UMPS: variants seen among roughly 807,000 people sequenced by gnomAD.
The protein encoded by UMPS is uridine monophosphate synthetase, also known as uridine 5'-monophosphate synthase.
A neutral mutation model predicts 38.9 loss-of-function variants in UMPS; 21 were observed. That is an observed-to-expected ratio of 0.54 (90% CI 0.38 to 0.78). The LOEUF (loss-of-function observed/expected upper bound fraction) is 0.78. Among genes scored for constraint, UMPS ranks in the 30% least tolerant of loss-of-function variants. UMPS has a pLI of 0.00. For missense variants in UMPS, 533 were observed against 591.6 expected (o/e 0.90, Z 1.03); for synonymous variants, 208 against 219.3 (o/e 0.95, Z 0.45).
rs1579142883 is a variant in UMPS at position 124,747,107 on chromosome 3, C to T, written c.*3023C>T. The T allele has an allele frequency of 4.4e-6, 2 of 453,892 alleles. No individual in the cohort carries two copies. Among genetic ancestry groups the T allele is most frequent in the South Asian group, 3.1e-5 (2 of 64,446 alleles). The allele number at this position is 453,892 out of a possible 1,614,324, so 28.1% of individuals were successfully genotyped here. ...TTGACTTGGGCTCAAGCGATCCGCTCAAGTAGCTGGAACTACTCTCAAGTA... is the reference window on the plus strand; with the variant it reads ...TTGACTTGGGCTCAAGCGATCCGCTTAAGTAGCTGGAACTACTCTCAAGTA... On this transcript the variant is annotated 3_prime_UTR_variant, in exon 6 of 6. Transcript: ENST00000232607.
chr3:124,732,221 T>G (rs2063484636), intron 1 of UMPS, among the ~76,000 whole-genome samples: 1 of 152,214 alleles, frequency 6.6e-6, no homozygotes, highest in African/African-American at 2.4e-5. Context: ...ACTACTCATA[T>G]TAATTTTGCC....
At chr3:124,732,591 T>A (rs1013914709) in intron 1 of UMPS, 2 of 154,818 alleles carry the variant, frequency 1.3e-5, no homozygotes, top group Middle Eastern at 5.1e-4. Flanking sequence ...TAGCCACGTG[T>A]TACTATTGAG....
chr3:124,737,478 G>T, intron 2 of UMPS, 90 bp from the exon 3 acceptor site: 1 of 1,261,426 alleles, frequency 7.9e-7, no homozygotes, highest in Non-Finnish European at 1.2e-6. Context: ...TGTGTAACTG[G>T]CAAGTTTTGT....
chr3:124,740,133 G>T lies in UMPS; in HGVS notation c.1092G>T (p.Gly364=). The part of the protein sequence containing the change: ...LQEVGLPLHR[G]CLLIAEMSST... ...AAGTGGGCCTGCCTTTGCATCGGGG[G>T]TGCCTCCTTATTGCGGAAATGAGCT... is the stretch of plus-strand genomic sequence containing the variant. Residue 364 remains glycine (G), a synonymous_variant, in exon 4 of 6, where the codon GGG becomes GGT. Coordinates refer to ENST00000232607, the MANE Select transcript of UMPS (RefSeq NM_000373.4). The T allele has an allele frequency of 6.2e-7, 1 of 1,614,006 alleles. No individual in the cohort carries two copies. Among genetic ancestry groups the T allele is most frequent in the Non-Finnish European group, 8.5e-7 (1 of 1,180,030 alleles).
intron 4 of UMPS, 152 bp from the exon 5 acceptor site, chr3:124,742,000 G>T (rs987189123): frequency 6.8e-5 from 46 of 675,448 alleles, no homozygotes; most frequent in Non-Finnish European, 1.0e-4. Context: ...AGGATCCCTT[G>T]AGCCCAGGGG....
rs1029158550 is a variant in UMPS, at chr3:124,748,239, T to A, written c.*4155T>A. The A allele has an allele frequency of 2.2e-5, 10 of 453,804 alleles. No homozygotes were observed. Among genetic ancestry groups the A allele is most frequent in the Non-Finnish European group, 4.0e-5 (9 of 226,764 alleles). The allele number at this position is 453,804 out of a possible 1,614,324, so 28.1% of individuals were successfully genotyped here. A position where few individuals can be genotyped will look rare whatever the true frequency, so the allele number is the denominator to read the frequency against. On this transcript the variant is annotated 3_prime_UTR_variant, in exon 6 of 6. Coordinates refer to ENST00000232607, the MANE Select transcript of UMPS (RefSeq NM_000373.4). ...GCCACTGCTCCCGGCCTGTTGGAGT[T>A]CTTTACATTTATTTTATAATCAATG...
In UMPS at chr3:124,746,841, G is replaced by T. The variant is rs573270971; in HGVS notation, c.*2757G>T. On this transcript the variant is annotated 3_prime_UTR_variant, in exon 6 of 6. Coordinates refer to ENST00000232607, the MANE Select transcript of UMPS (RefSeq NM_000373.4). ...CTGGAGGAACCTAAGAAACTATTTG[G>T]TGCACTTCCTCTTATTTTAGAGCTC... 4.4e-6 allele frequency: 2 copies of T among 451,990 alleles called. No individual in the cohort carries two copies. The highest frequency in any genetic ancestry group is 4.7e-5 in the Admixed American group (2 of 42,430). 28.0% of individuals were successfully genotyped at this position (451,990 alleles called of 1,614,324 possible).
In UMPS at chr3:124,746,256, A is replaced by G. The variant is rs886057877; in HGVS notation, c.*2172A>G. The G allele has an allele frequency of 3.5e-5, 16 of 454,008 alleles. No individual in the cohort carries two copies. Among genetic ancestry groups the G allele is most frequent in the Non-Finnish European group, 6.6e-5 (15 of 226,802 alleles). The allele number at this position is 454,008 out of a possible 1,614,324, so 28.1% of individuals were successfully genotyped here. A position where few individuals can be genotyped will look rare whatever the true frequency, so the allele number is the denominator to read the frequency against. ...TGAGAGGAGGCTCAAATAATCACCC[A>G]GCCCCTGCCACTTACTGAAAGTGTA... is the stretch of plus-strand genomic sequence containing the variant. On this transcript the variant is annotated 3_prime_UTR_variant, in exon 6 of 6. Transcript: ENST00000232607.
At chr3:124,740,336 A>C in intron 4 of UMPS, 137 bp downstream of exon 4, 1 of 798,892 alleles carries the variant, frequency 1.3e-6, no homozygotes, top group East Asian at 2.6e-5. Context: ...ACAGTATATT[A>C]ATACTAGTTG....
intron 1 of UMPS, chr3:124,731,590 ATCT>A (rs141450300): frequency 0.17 from 64,891 of 373,030 alleles, 6,494 homozygotes; most frequent in Admixed American, 0.27. Context: ...GGCTTAAGAG[ATCT>A]TCTTGCCTCG....
In UMPS at chr3:124,746,800, T is replaced by TGC; in HGVS notation, c.*2724_*2725dup. 4.5e-6 allele frequency: 2 copies of TGC among 448,444 alleles called. No individual in the cohort carries two copies. Among genetic ancestry groups the TGC allele is most frequent in the Non-Finnish European group, 4.5e-6 (1 of 224,388 alleles). 27.8% of individuals were successfully genotyped at this position (448,444 alleles called of 1,614,324 possible). Reference sequence around the variant, plus strand: ...GTGTGTGTGTGTGTGTGTGTGTGCATGCGCGCGCGTGCGCACTGGAGGAAC... The same window carrying TGC: ...GTGTGTGTGTGTGTGTGTGTGTGCATGCGCGCGCGCGTGCGCACTGGAGGAAC... On this transcript the variant is annotated 3_prime_UTR_variant, in exon 6 of 6. Coordinates refer to ENST00000232607, the MANE Select transcript of UMPS (RefSeq NM_000373.4).
At position 124,744,490 on chromosome 3, in the gene UMPS, T is replaced by C. The variant is rs1468892339; in HGVS notation, c.*406T>C. 13 of 454,020 alleles carry C rather than the reference T, an allele frequency of 2.9e-5. No homozygotes were observed. Among genetic ancestry groups the C allele is most frequent in the African/African-American group, 1.2e-4 (6 of 50,004 alleles). 28.1% of individuals were successfully genotyped at this position (454,020 alleles called of 1,614,324 possible). A position where few individuals can be genotyped will look rare whatever the true frequency, so the allele number is the denominator to read the frequency against. On this transcript the variant is annotated 3_prime_UTR_variant, in exon 6 of 6. Coordinates refer to ENST00000232607, the MANE Select transcript of UMPS (RefSeq NM_000373.4). ...AGTGCAGTGGTGAGATCACGGCTCATTGCAGCCTCGACCTCCCAGGTGATC... is the reference window on the plus strand; with the variant it reads ...AGTGCAGTGGTGAGATCACGGCTCACTGCAGCCTCGACCTCCCAGGTGATC...
chr3:124,736,939 G>T (rs776768877), intron 2 of UMPS, among the ~76,000 whole-genome samples: 26 of 152,206 alleles, frequency 1.7e-4, no homozygotes, highest in Non-Finnish European at 3.5e-4. Flanking sequence ...GGGTCTAAAT[G>T]ATTGCTGAAT....
intron 2 of UMPS, among the ~76,000 whole-genome samples, chr3:124,736,922 T>C (rs2063522283): frequency 6.6e-6 from 1 of 152,262 alleles, no homozygotes; most frequent in Non-Finnish European, 1.5e-5. Flanking sequence ...CTTTAGATTG[T>C]AGTAATGGGT....
At chr3:124,743,608 A>C (rs1273163212) in intron 5 of UMPS, among the ~76,000 whole-genome samples, 3 of 152,142 alleles carry the variant, frequency 2.0e-5, no homozygotes, top group Non-Finnish European at 4.4e-5. Flanking sequence ...ACTGCACTCC[A>C]GCCTGGGTGA....
chr3:124,736,861 G>A (rs1448093069), intron 2 of UMPS, among the ~76,000 whole-genome samples: 1 of 152,186 alleles, frequency 6.6e-6, no homozygotes, highest in East Asian at 1.9e-4. Context: ...AAATAGTCTA[G>A]TGGGATTTGG....
At chr3:124,742,930 T>G (rs2063566449) in intron 5 of UMPS, among the ~76,000 whole-genome samples, 1 of 152,212 alleles carries the variant, frequency 6.6e-6, no homozygotes. Context: ...ACTTCTTTTT[T>G]TAATATATTG....
rs1435274673 is a variant in UMPS at position 124,747,476 on chromosome 3, C to T, written c.*3392C>T. The T allele has an allele frequency of 6.6e-6, 3 of 453,998 alleles. No individual in the cohort carries two copies. Among genetic ancestry groups the T allele is most frequent in the South Asian group, 1.6e-5 (1 of 64,482 alleles). 28.1% of individuals were successfully genotyped at this position (453,998 alleles called of 1,614,324 possible). ...CCAAACTCTCGTGTTTCTGCTCACC[C>T]CTCTCTGGCTTCTGCCACCACATGG... On this transcript the variant is annotated 3_prime_UTR_variant, in exon 6 of 6. Coordinates refer to ENST00000232607, the MANE Select transcript of UMPS (RefSeq NM_000373.4).
At chr3:124,734,112 AAT>A (rs747249512) in intron 1 of UMPS, among the ~76,000 whole-genome samples, 4 of 152,186 alleles carry the variant, frequency 2.6e-5, no homozygotes, top group Non-Finnish European at 5.9e-5. Context: ...GTTCTAAGAT[AAT>A]ATGTTAATAT....
Sources: allele counts gnomAD v4.1 joint callset (sites outside exome capture counted in the v4.1 genomes callset), GRCh38; gene constraint gnomAD v4.1.1; transcripts MANE v1.5; gene names NCBI Gene and HGNC (gene_info 2026-07-23, HGNC 2026-07-21).